The following SPOCK1 variants were observed in gnomAD, a reference collection of about 807,000 sequenced individuals.
The protein encoded by SPOCK1 is SPARC (osteonectin), cwcv and kazal like domains proteoglycan 1, also known as testican-1.
A neutral mutation model predicts 55.3 loss-of-function variants in SPOCK1; 23 were observed. The observed-to-expected ratio is 0.42, with a 90% CI of 0.30 to 0.59. The LOEUF (loss-of-function observed/expected upper bound fraction) is 0.59, where lower values mean the gene tolerates loss of function less well. Ranked by LOEUF, SPOCK1 falls within the 20% of genes least tolerant of loss-of-function variation. SPOCK1 has a pLI of 0.22. For missense variants in SPOCK1, 499 were observed against 552.5 expected (o/e 0.90, Z 0.97); for synonymous variants, 226 against 221.0 (o/e 1.02, Z -0.20).
chr5:137,136,982 G>GC (rs1753996481), intron 4 of SPOCK1, among the ~76,000 whole-genome samples: 1 of 152,178 alleles, frequency 6.6e-6, no homozygotes, highest in African/African-American at 2.4e-5. Context: ...GCCTTGCTTG[G>GC]CCCCCCACTG....
intron 6 of SPOCK1, among the ~76,000 whole-genome samples, chr5:137,052,557 G>A (rs1486613738): frequency 1.3e-5 from 2 of 152,042 alleles, no homozygotes; most frequent in Admixed American, 6.6e-5. Flanking sequence ...AATAATTAAG[G>A]TGTGTGCAAA....
chr5:136,998,471 T>G (rs1225331025), intron 6 of SPOCK1, among the ~76,000 whole-genome samples: 1 of 152,220 alleles, frequency 6.6e-6, no homozygotes, highest in African/African-American at 2.4e-5. Context: ...GAGACAGGAT[T>G]TGAATCAGGC....
At chr5:137,379,667 G>A (rs1420194509) in intron 2 of SPOCK1, among the ~76,000 whole-genome samples, 2 of 152,074 alleles carry the variant, frequency 1.3e-5, no homozygotes, top group African/African-American at 4.8e-5. Context: ...TATTGTCTTT[G>A]ACTTAACAGC....
intron 5 of SPOCK1, among the ~76,000 whole-genome samples, chr5:137,103,727 T>G (rs762094126): frequency 2.6e-4 from 39 of 152,256 alleles, no homozygotes; most frequent in Non-Finnish European, 5.1e-4. Context: ...AATTAATATT[T>G]TAAATATTAT....
At chr5:137,257,876 T>G (rs1447109476) in intron 3 of SPOCK1, among the ~76,000 whole-genome samples, 2 of 152,210 alleles carry the variant, frequency 1.3e-5, no homozygotes, top group Admixed American at 1.3e-4. Context: ...ATTTCGTGTG[T>G]GTCTCTTGGC....
chr5:137,121,083 T>C (rs749625036), intron 4 of SPOCK1, among the ~76,000 whole-genome samples: 1 of 152,136 alleles, frequency 6.6e-6, no homozygotes, highest in Non-Finnish European at 1.5e-5. Flanking sequence ...GATTCTACAG[T>C]CTTTACTTTT....
intron 2 of SPOCK1, among the ~76,000 whole-genome samples, chr5:137,414,314 C>A (rs1222739513): frequency 1.3e-5 from 2 of 152,168 alleles, no homozygotes; most frequent in African/African-American, 4.8e-5. Context: ...ACCAGACATG[C>A]CTGTCCTTTG....
chr5:137,242,816 A>G (rs1441637072), intron 3 of SPOCK1, among the ~76,000 whole-genome samples: 3 of 152,256 alleles, frequency 2.0e-5, no homozygotes, highest in African/African-American at 4.8e-5. Flanking sequence ...CACAAAAAAA[A>G]GACATATTAT....
chr5:137,402,420 A>G (rs539187352), intron 2 of SPOCK1, among the ~76,000 whole-genome samples: 1 of 152,356 alleles, frequency 6.6e-6, no homozygotes, highest in South Asian at 2.1e-4. Context: ...TTTAAATGTC[A>G]TTTCTTATTG....
chr5:137,360,734 C>T (rs149731853), intron 2 of SPOCK1, among the ~76,000 whole-genome samples: 135 of 152,300 alleles, frequency 8.9e-4, no homozygotes, highest in African/African-American at 3.2e-3. Context: ...TCTCAGAAGA[C>T]TGTCTACCAT....
intron 3 of SPOCK1, among the ~76,000 whole-genome samples, chr5:137,162,216 C>A (rs1293354465): frequency 6.6e-6 from 1 of 150,740 alleles, no homozygotes; most frequent in African/African-American, 2.5e-5. Context: ...CGGCTCACTG[C>A]AACCTCCACC....
intron 2 of SPOCK1, among the ~76,000 whole-genome samples, chr5:137,372,641 G>A (rs920355695): frequency 1.3e-5 from 2 of 152,230 alleles, no homozygotes; most frequent in East Asian, 3.8e-4. Flanking sequence ...GGTAAAGAGA[G>A]TGTTAAAGAG....
intron 6 of SPOCK1, among the ~76,000 whole-genome samples, chr5:137,059,336 C>T (rs1460083637): frequency 1.3e-5 from 2 of 151,940 alleles, no homozygotes; most frequent in African/African-American, 4.8e-5. Context: ...AGGCAGGGTG[C>T]AAAACATTAT....
At chr5:137,204,580 C>T (rs1354139276) in intron 3 of SPOCK1, among the ~76,000 whole-genome samples, 2 of 152,070 alleles carry the variant, frequency 1.3e-5, no homozygotes, top group Non-Finnish European at 2.9e-5. Context: ...TAGATTCTAC[C>T]TCTAAAACAT....
chr5:137,465,182 C>T (rs745721827), intron 2 of SPOCK1, among the ~76,000 whole-genome samples: 11 of 152,094 alleles, frequency 7.2e-5, no homozygotes, highest in Non-Finnish European at 1.2e-4. Flanking sequence ...GATATAAGAT[C>T]GCCAAATAAG....
chr5:137,205,006 T>A (rs1207457567), intron 3 of SPOCK1, among the ~76,000 whole-genome samples: 1 of 152,152 alleles, frequency 6.6e-6, no homozygotes, highest in Admixed American at 6.5e-5. Context: ...TCCTAAGAAG[T>A]GATAATCCCA....
chr5:136,995,198 A>G (rs1025548096), intron 6 of SPOCK1, among the ~76,000 whole-genome samples: 3 of 152,180 alleles, frequency 2.0e-5, no homozygotes, highest in Non-Finnish European at 2.9e-5. Context: ...GAGCATCATC[A>G]TGATATTCTG....
At chr5:137,361,951 G>A (rs1041057051) in intron 2 of SPOCK1, among the ~76,000 whole-genome samples, 5 of 152,116 alleles carry the variant, frequency 3.3e-5, no homozygotes, top group Admixed American at 1.3e-4. Flanking sequence ...ATTTTACAGC[G>A]AGCTTCCCCC....
At chr5:137,414,660 A>T (rs1752291820) in intron 2 of SPOCK1, among the ~76,000 whole-genome samples, 1 of 152,206 alleles carries the variant, frequency 6.6e-6, no homozygotes, top group African/African-American at 2.4e-5. Context: ...GGATGTGACC[A>T]TGTATCCACC....
Sources: allele counts gnomAD v4.1 joint callset (sites outside exome capture counted in the v4.1 genomes callset), GRCh38; gene constraint gnomAD v4.1.1; transcripts MANE v1.5; gene names NCBI Gene and HGNC (gene_info 2026-07-23, HGNC 2026-07-21).